Variants in HMGB1 observed in about 807,000 individuals in gnomAD.
HMGB1 encodes the protein high mobility group protein B1.
For missense variants in HMGB1, 79 were observed against 253.5 expected (o/e 0.31, Z 4.67); for synonymous variants, 81 against 84.0 (o/e 0.96, Z 0.19).
chr13:30,548,295 CTG>C (rs1869261629), intron 1 of HMGB1, among the ~76,000 whole-genome samples: 1 of 152,144 alleles, frequency 6.6e-6, no homozygotes, highest in Admixed American at 6.5e-5. Context: ...CTTCTCCTTC[CTG>C]TCGCCATGTA....
At chr13:30,578,368 CTTTTTTTTTTT>C (rs60947686) in intron 1 of HMGB1, among the ~76,000 whole-genome samples, 146 of 59,324 alleles carry the variant, frequency 2.5e-3, no homozygotes, top group Middle Eastern at 0.014. Context: ...AGTTCTTGTT[CTTTTTTTTTTT>C]TTTTTTTTTT....
intron 1 of HMGB1, among the ~76,000 whole-genome samples, chr13:30,543,687 A>G (rs1869017909): frequency 6.6e-6 from 1 of 152,142 alleles, no homozygotes; most frequent in Non-Finnish European, 1.5e-5. Flanking sequence ...TCTGATTTCA[A>G]CTAGGGCAGG....
intron 1 of HMGB1, among the ~76,000 whole-genome samples, chr13:30,478,664 T>C (rs1887154366): frequency 6.6e-6 from 1 of 152,130 alleles, no homozygotes; most frequent in Non-Finnish European, 1.5e-5. Context: ...TAATCTTTGC[T>C]TTCTTTTTCT....
intron 1 of HMGB1, among the ~76,000 whole-genome samples, chr13:30,491,169 CA>C (rs889161847): frequency 1.3e-5 from 2 of 152,064 alleles, no homozygotes; most frequent in Non-Finnish European, 2.9e-5. Context: ...GCTGGGATTA[CA>C]GGCGTGTGGC....
intron 1 of HMGB1, among the ~76,000 whole-genome samples, chr13:30,478,851 TTTTTC>T (rs369283288): frequency 0.11 from 16,410 of 145,574 alleles, 778 homozygotes; most frequent in South Asian, 0.21. Flanking sequence ...CCCAATTTCT[TTTTTC>T]TTTTCTTTTC....
chr13:30,553,821 G>C, intron 1 of HMGB1: 1 of 1,362,556 alleles, frequency 7.3e-7, no homozygotes, highest in Non-Finnish European at 1.0e-6. Context: ...ATACAGAGAT[G>C]TAAGCCCATA....
chr13:30,544,773 G>C (rs1869069516), intron 1 of HMGB1, among the ~76,000 whole-genome samples: 1 of 151,834 alleles, frequency 6.6e-6, no homozygotes, highest in South Asian at 2.1e-4. Context: ...AAGGAGGTGG[G>C]AACGCCTGAT....
intron 1 of HMGB1, among the ~76,000 whole-genome samples, chr13:30,486,910 C>T (rs1037036888): frequency 8.6e-5 from 13 of 151,992 alleles, no homozygotes; most frequent in East Asian, 1.9e-4. Context: ...GAGTGCTGCC[C>T]GAGGGACTGC....
At chr13:30,492,952 C>T (rs1887531474) in intron 1 of HMGB1, among the ~76,000 whole-genome samples, 1 of 140,048 alleles carries the variant, frequency 7.1e-6, no homozygotes, top group African/African-American at 2.7e-5. Context: ...GGTCTTGCCA[C>T]TGCACTCCAG....
intron 1 of HMGB1, among the ~76,000 whole-genome samples, chr13:30,598,199 T>C (rs1871702744): frequency 6.6e-6 from 1 of 152,270 alleles, no homozygotes; most frequent in African/African-American, 2.4e-5. Context: ...GGTTATGCTG[T>C]TTGTCATCTC....
At chr13:30,496,115 A>C (rs1053251457) in intron 1 of HMGB1, among the ~76,000 whole-genome samples, 1 of 152,210 alleles carries the variant, frequency 6.6e-6, no homozygotes, top group Non-Finnish European at 1.5e-5. Flanking sequence ...AGGGTTTTTT[A>C]AGAAATACAT....
chr13:30,528,906 C>G (rs919809332), intron 1 of HMGB1, among the ~76,000 whole-genome samples: 35 of 151,922 alleles, frequency 2.3e-4, no homozygotes, highest in Middle Eastern at 3.4e-3. Flanking sequence ...GCGGGCGCCT[C>G]TAGTCCCAGC....
At chr13:30,604,899 C>A (rs915009795) in intron 1 of HMGB1, among the ~76,000 whole-genome samples, 8 of 152,126 alleles carry the variant, frequency 5.3e-5, no homozygotes, top group African/African-American at 1.7e-4. Context: ...ATCCCGTGAT[C>A]CACCCACCTC....
chr13:30,573,644 C>T (rs1221334088), intron 1 of HMGB1, among the ~76,000 whole-genome samples: 3 of 149,400 alleles, frequency 2.0e-5, no homozygotes, highest in African/African-American at 7.5e-5. Context: ...ATGAATCTAG[C>T]ATTTTCTTTT....
In HMGB1 at chr13:30,588,013, A is replaced by C. The variant is rs117804003; in HGVS notation, c.-15+28658T>G. On this transcript the variant is annotated intron_variant, in intron 1 of 4. Transcript: ENST00000405805. The stretch of plus-strand genomic sequence containing the variant: ...CAGTGAACAAATTTATGAGCCAAAC[A>C]AATTCCTACAAAAATTACCATCATA... Among the ~76,000 whole-genome samples the C allele has an allele frequency of 1.4e-3, 219 of 152,360 alleles. 2 individuals carry two copies. The East Asian group carries it at 0.035, about 24-fold the overall frequency.
At chr13:30,542,434 A>C (rs1868937401) in intron 1 of HMGB1, 1 of 157,954 alleles carries the variant, frequency 6.3e-6, no homozygotes, top group African/African-American at 2.4e-5. Context: ...GTACTCCCTG[A>C]CACAGGGTGC....
At chr13:30,506,965 T>C (rs61217059) in intron 1 of HMGB1, among the ~76,000 whole-genome samples, 7,816 of 152,228 alleles carry the variant, frequency 0.051, 236 homozygotes, top group Middle Eastern at 0.12. Context: ...AAGACCATCC[T>C]CACTCTGAAG....
intron 1 of HMGB1, among the ~76,000 whole-genome samples, chr13:30,518,294 G>C (rs885151): frequency 6.6e-6 from 1 of 152,160 alleles, no homozygotes; most frequent in Non-Finnish European, 1.5e-5. Flanking sequence ...CTGTGTTCAC[G>C]CTACTGTACT....
chr13:30,521,106 T>C (rs1180484704), intron 1 of HMGB1, among the ~76,000 whole-genome samples: 3 of 152,226 alleles, frequency 2.0e-5, no homozygotes, highest in Non-Finnish European at 4.4e-5. Context: ...GGTAAGAGGT[T>C]AATCAAGCCC....
Sources: allele counts gnomAD v4.1 joint callset (sites outside exome capture counted in the v4.1 genomes callset), GRCh38; gene constraint gnomAD v4.1.1; transcripts MANE v1.5; gene names NCBI Gene and HGNC (gene_info 2026-07-23, HGNC 2026-07-21).